The following PRKACB variants were observed in gnomAD, a reference collection of about 807,000 sequenced individuals.
PRKACB encodes cAMP-dependent protein kinase catalytic subunit beta.
Under a neutral mutation model 51.4 loss-of-function variants are expected in PRKACB, and 16 were observed. That is an observed-to-expected ratio of 0.31 (90% confidence interval 0.21 to 0.47). The LOEUF (loss-of-function observed/expected upper bound fraction) is 0.47, where lower values mean the gene tolerates loss of function less well. Among genes scored for constraint, PRKACB ranks in the 20% least tolerant of loss-of-function variants. PRKACB has a pLI of 1.00. For missense variants in PRKACB, 309 were observed against 464.5 expected, an observed-to-expected ratio of 0.67 and a Z score of 3.08; for synonymous variants, 147 against 154.4, an observed-to-expected ratio of 0.95 and a Z score of 0.35.
At chr1:84,096,980 A>G (rs1648971119) in intron 1 of PRKACB, among the ~76,000 whole-genome samples, 1 of 152,034 alleles carries the variant, frequency 6.6e-6, no homozygotes, top group Non-Finnish European at 1.5e-5. Flanking sequence ...TTTGAGCTTT[A>G]CTTAAGTAGA....
At chr1:84,196,484 T>TTACA (rs1280399370) in intron 5 of PRKACB, 132 bp from the exon 6 acceptor site, 6 of 845,034 alleles carry the variant, frequency 7.1e-6, no homozygotes, top group Non-Finnish European at 8.7e-6. Flanking sequence ...ACAAGGTTCT[T>TTACA]TACATACTTT....
chr1:84,101,474 G>C (rs552558270), intron 1 of PRKACB, among the ~76,000 whole-genome samples: 17 of 152,212 alleles, frequency 1.1e-4, no homozygotes, highest in African/African-American at 3.9e-4. Flanking sequence ...TTTTCCTTAA[G>C]CCCTGACAGG....
At chr1:84,199,331 A>G (rs1267923384) in intron 7 of PRKACB, among the ~76,000 whole-genome samples, 1 of 151,736 alleles carries the variant, frequency 6.6e-6, no homozygotes, top group Non-Finnish European at 1.5e-5. Context: ...AGAATCCAGT[A>G]TCTGTTTTTT....
intron 1 of PRKACB, among the ~76,000 whole-genome samples, chr1:84,158,201 C>G (rs1170031770): frequency 1.3e-5 from 2 of 151,970 alleles, no homozygotes; most frequent in Non-Finnish European, 2.9e-5. Context: ...TCACTCCCGG[C>G]TAATCTTTGT....
intron 8 of PRKACB, 59 bp from the exon 9 acceptor site, chr1:84,214,094 A>G: frequency 2.8e-6 from 4 of 1,445,660 alleles, no homozygotes; most frequent in East Asian, 2.5e-5. Flanking sequence ...TTATGAAATC[A>G]AAACAGAAAT....
intron 1 of PRKACB, among the ~76,000 whole-genome samples, chr1:84,105,244 A>G (rs761601370): frequency 2.4e-4 from 36 of 152,188 alleles, no homozygotes; most frequent in Non-Finnish European, 4.9e-4. Flanking sequence ...TCTCTAGAAC[A>G]GAATACAACT....
chr1:84,217,469 C>T (rs945435010), intron 9 of PRKACB, among the ~76,000 whole-genome samples: 4 of 152,048 alleles, frequency 2.6e-5, no homozygotes, highest in African/African-American at 9.7e-5. Context: ...TACATAATTA[C>T]ATCTGAGTGA....
chr1:84,130,189 CAAA>C (rs71097833), intron 1 of PRKACB, among the ~76,000 whole-genome samples: 286 of 56,134 alleles, frequency 5.1e-3, no homozygotes, highest in African/African-American at 0.018. Flanking sequence ...GACTCCGTCT[CAAA>C]AAAAAAAAAA....
intron 1 of PRKACB, among the ~76,000 whole-genome samples, chr1:84,109,820 A>G (rs1469869813): frequency 6.6e-6 from 1 of 151,910 alleles, no homozygotes; most frequent in African/African-American, 2.4e-5. Flanking sequence ...GTCTCATTTT[A>G]TGCTCATATT....
chr1:84,122,831 A>C (rs990769888), intron 1 of PRKACB, among the ~76,000 whole-genome samples: 1 of 152,196 alleles, frequency 6.6e-6, no homozygotes, highest in Non-Finnish European at 1.5e-5. Flanking sequence ...TTTGATTTGT[A>C]TAAATAAAAT....
rs541901665 is a variant in PRKACB at position 84,222,986 on chromosome 1, T to C, written c.1071+8669T>C. Among the ~76,000 whole-genome samples the C allele has an allele frequency of 6.1e-4, 93 of 152,340 alleles. 1 individual carries two copies. The highest frequency in any genetic ancestry group is 3.4e-3 in the Middle Eastern group (1 of 294). ...TTTGACAGTTTCAGTAAAGTGTGTC[T>C]TGGAAAAGACCTTTTTGGATTGTAT... On this transcript the variant is annotated intron_variant, in intron 9 of 9. Coordinates refer to ENST00000370685, the MANE Select transcript of PRKACB (RefSeq NM_182948.4).
chr1:84,131,989 G>T (rs1381687279), intron 1 of PRKACB, among the ~76,000 whole-genome samples: 1 of 152,088 alleles, frequency 6.6e-6, no homozygotes, highest in East Asian at 1.9e-4. Context: ...CTCCAACAAA[G>T]GTCTACTCTG....
chr1:84,120,214 C>T (rs1207172472), intron 1 of PRKACB, among the ~76,000 whole-genome samples: 2 of 152,006 alleles, frequency 1.3e-5, no homozygotes, highest in African/African-American at 4.8e-5. Flanking sequence ...ATTAAAATGT[C>T]TCAACTGTTA....
chr1:84,198,817 TCATATATGTATGTA>T (rs1276759936), intron 7 of PRKACB, among the ~76,000 whole-genome samples: 1 of 149,810 alleles, frequency 6.7e-6, no homozygotes, highest in Non-Finnish European at 1.5e-5. Flanking sequence ...TTAAAAACAT[TCATATATGTATGTA>T]CATATATGTA....
rs1480603177 is a variant in PRKACB at position 84,236,347 on chromosome 1, A to G, written c.*1042A>G. 6.6e-6 allele frequency: 1 copy of G among 152,594 alleles called. No homozygotes were observed. Among genetic ancestry groups the G allele is most frequent in the Non-Finnish European group, 1.5e-5 (1 of 68,022 alleles). The allele number at this position is 152,594 out of a possible 1,614,324, so 9.5% of individuals were successfully genotyped here. ...ACAATATAGAGGTATTCATATTTAAATGAGGGTTTACATTTGTTTTGTTTT... is the reference window on the plus strand; with the variant it reads ...ACAATATAGAGGTATTCATATTTAAGTGAGGGTTTACATTTGTTTTGTTTT... On this transcript the variant is annotated 3_prime_UTR_variant, in exon 10 of 10. Transcript: ENST00000370685.
intron 1 of PRKACB, among the ~76,000 whole-genome samples, chr1:84,127,012 C>A (rs1651675787): frequency 6.6e-6 from 1 of 152,166 alleles, no homozygotes; most frequent in South Asian, 2.1e-4. Flanking sequence ...CCATTCTCTT[C>A]CTAGTAGTCA....
At chr1:84,142,640 A>C (rs911540217), upstream of PRKACB, among the ~76,000 whole-genome samples, 10 of 152,234 alleles carry the variant, frequency 6.6e-5, no homozygotes, top group Non-Finnish European at 1.2e-4. Context: ...GAGCTGTTAC[A>C]TGGCAAAATT....
chr1:84,182,290 G>A lies in PRKACB; in HGVS notation c.340G>A (p.Glu114Lys). The A allele has an allele frequency of 6.2e-7, 1 of 1,603,396 alleles. No homozygotes were observed. The highest frequency in any genetic ancestry group is 8.5e-7 in the Non-Finnish European group (1 of 1,174,298). Residue 114 changes from glutamate to lysine, a missense_variant, in exon 3 of 10, where the codon GAA (glutamate) becomes AAA (lysine). Physicochemically the swap from Glu to Lys is moderately conservative, Grantham distance 56 (BLOSUM62 1). Coordinates refer to ENST00000370685, the MANE Select transcript of PRKACB (RefSeq NM_182948.4). ...RVMLVKHKAT[E>K]QYYAMKILDK... ...CATGTTGGTAAAACACAAAGCCACT[G>A]AACAGTATTATGCCATGAAGATCTT...
At chr1:84,164,860 A>G (rs1304166623) in intron 1 of PRKACB, 9 of 1,380,204 alleles carry the variant, frequency 6.5e-6, no homozygotes, top group Non-Finnish European at 8.4e-6. Context: ...TTAAAACAAA[A>G]GAAAGCTCTT....
Sources: allele counts gnomAD v4.1 joint callset (sites outside exome capture counted in the v4.1 genomes callset), GRCh38; gene constraint gnomAD v4.1.1; transcripts MANE v1.5; gene names NCBI Gene and HGNC (gene_info 2026-07-23, HGNC 2026-07-21).